Variants in DIDO1 observed in about 807,000 individuals in gnomAD.
The protein encoded by DIDO1 is death inducer-obliterator 1.
A neutral mutation model predicts 99.4 loss-of-function variants in DIDO1; 16 were observed. The observed-to-expected ratio is 0.16, with a 90% CI of 0.11 to 0.24. The LOEUF is 0.24. Among genes scored for constraint, DIDO1 ranks in the 10% least tolerant of loss-of-function variants. The pLI is 1.00. For missense variants in DIDO1, 2,996 were observed against 3,014.0 expected (o/e 0.99, Z 0.14); for synonymous variants, 1,366 against 1,239.1 (o/e 1.10, Z -2.15).
At position 62,891,039 on chromosome 20, in the gene DIDO1, C is replaced by T; in HGVS notation, c.3462G>A (p.Arg1154=). The T allele has an allele frequency of 6.2e-7, 1 of 1,614,160 alleles. No individual in the cohort carries two copies. Among genetic ancestry groups the T allele is most frequent in the East Asian group, 2.2e-5 (1 of 44,880 alleles). ...GGATCAGGTAGAGGTCCTTGACGTG[C>T]CTGTTGTTATTAGCTACAACACCAA... is the stretch of plus-strand genomic sequence containing the variant. The part of the protein sequence containing the change: ...GRFGVVANNN[R]HVKDLYLIPL... The change falls in exon 15 of 16, where the codon AGG becomes AGA. Residue 1154 remains arginine, a synonymous_variant. Coordinates refer to ENST00000395343, the MANE Select transcript of DIDO1 (RefSeq NM_001193369.2).
chr20:62,903,159 A>G (rs1348015519), intron 6 of DIDO1, among the ~76,000 whole-genome samples: 2 of 152,256 alleles, frequency 1.3e-5, no homozygotes, highest in African/African-American at 2.4e-5. Flanking sequence ...TATATATAAG[A>G]AACAATTTTT....
chr20:62,893,055 C>G, intron 12 of DIDO1, 93 bp from the exon 13 acceptor site: 2 of 1,346,384 alleles, frequency 1.5e-6, no homozygotes, highest in Non-Finnish European at 2.0e-6. Flanking sequence ...GAGACAGGAT[C>G]TCATTCTGTC....
At chr20:62,912,455 C>T (rs1400187368) in intron 2 of DIDO1, among the ~76,000 whole-genome samples, 2 of 148,562 alleles carry the variant, frequency 1.3e-5, no homozygotes, top group South Asian at 2.1e-4. Context: ...GAGACGGAGT[C>T]TTGCTCTGTC....
chr20:62,886,901 AAC>A (rs895665688), intron 15 of DIDO1, among the ~76,000 whole-genome samples: 1 of 152,230 alleles, frequency 6.6e-6, no homozygotes, highest in African/African-American at 2.4e-5. Flanking sequence ...CAACCCACCA[AAC>A]ACACCCACTC....
rs2064882891 is a variant in DIDO1 at position 62,909,603 on chromosome 20, G to T, written c.1161+96C>A. On this transcript the variant is annotated intron_variant, in intron 4 of 15. Transcript: ENST00000395343. The stretch of plus-strand genomic sequence containing the variant: ...CCGGGAGAGGCACCGCCCCACATGG[G>T]TGCAGCACCCGTCCTGGGAGGAATT... 1.7e-5 allele frequency: 26 copies of T among 1,494,240 alleles called. 1 individual carries two copies. In the Middle Eastern group the frequency reaches 5.4e-4, roughly 31 times the overall value. 92.6% of individuals were successfully genotyped at this position (1,494,240 alleles called of 1,614,324 possible).
In DIDO1 at chr20:62,879,545, T is replaced by TCGGTCCCACTCCCGGGGC; in HGVS notation, c.6393_6410dup (p.Pro2132_Arg2137dup). ...CCCGGCTGGAGTCCTTGTCCCGGTG[T>TCGGTCCCACTCCCGGGGC]CGGTCCCACTCCCGGGGCCGGTCCC... On this transcript the variant is annotated inframe_insertion, in exon 16 of 16. Transcript: ENST00000395343. The surrounding 1 kb of genome is among the most constrained non-coding windows in gnomAD (Gnocchi z 6.3). 6.3e-7 allele frequency: 1 copy of TCGGTCCCACTCCCGGGGC among 1,599,718 alleles called. No homozygotes were observed. The highest frequency in any genetic ancestry group is 8.5e-7 in the Non-Finnish European group (1 of 1,179,120).
intron 1 of DIDO1, among the ~76,000 whole-genome samples, chr20:62,937,211 A>G (rs1014496880): frequency 2.6e-5 from 4 of 152,190 alleles, no homozygotes; most frequent in Non-Finnish European, 5.9e-5. Flanking sequence ...CAAGGACTCT[A>G]TTTCTTCCTT....
At position 62,880,720 on chromosome 20, in the gene DIDO1, A is replaced by T; in HGVS notation, c.5236T>A (p.Ser1746Thr). ...CGCTGACCCTGAAACGGGGGCTGAG[A>T]GCCCCCCACTTTCTGTCCTGGTGGG... is the stretch of plus-strand genomic sequence containing the variant. ...LPPPGQKVGG[S>T]QPPFQGQREP... Residue 1746 changes from serine (S) to threonine (T), a missense_variant, in exon 16 of 16, where the codon TCT (serine) becomes ACT (threonine). Ser to Thr is a moderately conservative substitution (Grantham distance 58). This residue lies in a region of DIDO1 where 1,562 missense variants were observed against 1,412.6 expected (regional missense o/e 1.11). Transcript: ENST00000395343. 1.2e-6 allele frequency: 2 copies of T among 1,612,674 alleles called. No homozygotes were observed. Among genetic ancestry groups the T allele is most frequent in the Non-Finnish European group, 1.7e-6 (2 of 1,179,868 alleles).
Position 62,896,628 on chromosome 20 carries a change from G to A in DIDO1, c.1957C>T (p.Pro653Ser). The change falls in exon 7 of 16, where the codon CCA (proline) becomes TCA (serine). Residue 653 changes from proline (P) to serine (S), a missense_variant. Coordinates refer to ENST00000395343, the MANE Select transcript of DIDO1 (RefSeq NM_001193369.2). This position sits in a 1 kb window ranked among gnomAD's most constrained non-coding sequence, Gnocchi z 4.4. ...GCACTCATAGCCCCAAGGCGTCCTG[G>A]GGCTGGCGAGGCCATTGGAACAGAA... ...VPSVPMASPA[P>S]GRLGAMSAAP... The A allele has an allele frequency of 6.2e-7, 1 of 1,613,954 alleles. No individual in the cohort carries two copies.
At position 62,907,348 on chromosome 20, in the gene DIDO1, C is replaced by A. The variant is rs755626799; in HGVS notation, c.1173G>T (p.Ala391=). The A allele has an allele frequency of 6.2e-6, 10 of 1,613,790 alleles. No individual in the cohort carries two copies. The highest frequency in any genetic ancestry group is 1.7e-5 in the Admixed American group (1 of 60,006). ...GGCCAATACATTTTGAGGCACCAGG[C>A]GCCTCTATCACCTGCAGAACAAAAC... ...KLKIFQPVIE[A]PGASKCIGPG... Residue 391 remains alanine (A), a synonymous_variant, in exon 5 of 16, where the codon GCG becomes GCT. Coordinates refer to ENST00000395343, the MANE Select transcript of DIDO1 (RefSeq NM_001193369.2).
In DIDO1 at chr20:62,911,495, C is replaced by A. The variant is rs770464399; in HGVS notation, c.118G>T (p.Ala40Ser). Residue 40 changes from alanine (A) to serine (S), a missense_variant, in exon 3 of 16, where the codon GCA becomes TCA. This residue lies in a region of DIDO1 where 388 missense variants were observed against 376.6 expected (regional missense o/e 1.03). Transcript: ENST00000395343. The surrounding 1 kb of genome is among the most constrained non-coding windows in gnomAD (Gnocchi z 7.0). The stretch of plus-strand genomic sequence containing the variant: ...AGTGGGTCAGCCTCCGCGTCCCCTG[C>A]GCCCTCTCGCTTGGCGATAGTGGTC... The part of the protein sequence containing the change: ...RRTTIAKREG[A>S]GDAEADPLEP... 1 of 1,612,502 alleles carries A rather than the reference C, an allele frequency of 6.2e-7. No individual in the cohort carries two copies. The highest frequency in any genetic ancestry group is 1.3e-5 in the African/African-American group (1 of 74,938).
rs759052914 is a variant in DIDO1, at chr20:62,882,210, G to C, written c.3746C>G (p.Ala1249Gly). The C allele has an allele frequency of 6.2e-7, 1 of 1,613,738 alleles. No individual in the cohort carries two copies. Among genetic ancestry groups the C allele is most frequent in the Non-Finnish European group, 8.5e-7 (1 of 1,180,044 alleles). ...AGGTGTGGTGCTGACAGCCGCGTCT[G>C]CAGAGCAGAGTGGATACTTGGAGGG... ...KKPSKYPLCS[A>G]DAAVSTTPPG... Residue 1249 changes from alanine (A) to glycine (G), a missense_variant, in exon 16 of 16, where the codon GCA (alanine) becomes GGA (glycine). Around this residue, in one of 5 missense-constraint regions of DIDO1, gnomAD observed 1,562 missense variants for 1,412.6 expected, o/e 1.11. Transcript: ENST00000395343.
chr20:62,919,811 G>C (rs1421823070), intron 1 of DIDO1, among the ~76,000 whole-genome samples: 1 of 152,200 alleles, frequency 6.6e-6, no homozygotes, highest in Non-Finnish European at 1.5e-5. Flanking sequence ...CTACTTCCTA[G>C]TGCAAAACAC....
At chr20:62,888,208 G>C (rs910666403) in intron 15 of DIDO1, 23 of 985,398 alleles carry the variant, frequency 2.3e-5, no homozygotes, top group Non-Finnish European at 2.7e-5. Context: ...AAACCCACTA[G>C]GTCCCCATGT....
chr20:62,933,915 C>G (rs2065355438), intron 1 of DIDO1, among the ~76,000 whole-genome samples: 1 of 152,200 alleles, frequency 6.6e-6, no homozygotes, highest in Admixed American at 6.5e-5. Context: ...ACTCCTCTTT[C>G]TGTTCATCTC....
At chr20:62,930,632 C>T (rs2065324068), upstream of DIDO1, among the ~76,000 whole-genome samples, 1 of 152,206 alleles carries the variant, frequency 6.6e-6, no homozygotes, top group African/African-American at 2.4e-5. Context: ...AGGAGGGCAT[C>T]ACCCCCTTTA....
intron 1 of DIDO1, among the ~76,000 whole-genome samples, chr20:62,922,989 T>C (rs1272640953): frequency 2.0e-5 from 3 of 152,034 alleles, no homozygotes; most frequent in Non-Finnish European, 4.4e-5. Context: ...AACATCTATA[T>C]AGTGAAATTC....
At chr20:62,925,769 G>A (rs571028888) in intron 1 of DIDO1, among the ~76,000 whole-genome samples, 1 of 152,342 alleles carries the variant, frequency 6.6e-6, no homozygotes, top group African/African-American at 2.4e-5. Flanking sequence ...CGGGGTCACT[G>A]GAAGGCAAAA....
At chr20:62,932,988 G>A (rs1486631442) in intron 1 of DIDO1, among the ~76,000 whole-genome samples, 2 of 152,204 alleles carry the variant, frequency 1.3e-5, no homozygotes, top group African/African-American at 2.4e-5. Context: ...CCAGGCAGGT[G>A]GATCACCTGA....
Sources: allele counts gnomAD v4.1 joint callset (sites outside exome capture counted in the v4.1 genomes callset), GRCh38; gene constraint gnomAD v4.1.1; regional missense constraint gnomAD v4.1.1; non-coding constraint Gnocchi (gnomAD v3.1); transcripts MANE v1.5; gene names NCBI Gene and HGNC (gene_info 2026-07-23, HGNC 2026-07-21).